RFX6: variants seen among roughly 807,000 people sequenced by gnomAD.
The protein encoded by RFX6 is DNA-binding protein RFX6.
A neutral mutation model predicts 110.8 loss-of-function variants in RFX6; 50 were observed. That is an observed-to-expected ratio of 0.45 (90% confidence interval 0.36 to 0.57). The LOEUF (loss-of-function observed/expected upper bound fraction) is 0.57, where lower values mean the gene tolerates loss of function less well. RFX6 is among the 20% of genes least tolerant of loss of function. RFX6 has a pLI of 0.00. For synonymous variants in RFX6, 383 were observed against 411.2 expected (o/e 0.93, Z 0.83); for missense variants, 990 against 1,127.0 (o/e 0.88, Z 1.74).
At chr6:116,894,897 T>C (rs538285122) in intron 5 of RFX6, among the ~76,000 whole-genome samples, 32 of 152,226 alleles carry the variant, frequency 2.1e-4, no homozygotes, top group African/African-American at 7.5e-4. Context: ...AAAATGTAAA[T>C]ATAGGCTGGA....
chr6:116,887,912 T>C (rs1774734807), intron 4 of RFX6, among the ~76,000 whole-genome samples: 1 of 152,210 alleles, frequency 6.6e-6, no homozygotes, highest in African/African-American at 2.4e-5. Context: ...CACAAATAGA[T>C]TTTACACACA....
intron 6 of RFX6, among the ~76,000 whole-genome samples, chr6:116,903,735 C>G (rs543334450): frequency 6.6e-6 from 1 of 152,114 alleles, no homozygotes; most frequent in Admixed American, 6.5e-5. Flanking sequence ...TGTTTTCCTT[C>G]AATGCTAGGT....
intron 6 of RFX6, among the ~76,000 whole-genome samples, chr6:116,906,434 C>A (rs1775203555): frequency 6.6e-6 from 1 of 152,096 alleles, no homozygotes; most frequent in African/African-American, 2.4e-5. Context: ...ATCATTGAAT[C>A]TATATCTCAC....
intron 6 of RFX6, among the ~76,000 whole-genome samples, chr6:116,904,215 CG>C (rs1326410794): frequency 1.3e-5 from 2 of 151,870 alleles, no homozygotes; most frequent in Non-Finnish European, 2.9e-5. Flanking sequence ...CAGATCATAT[CG>C]TTTTTTATTT....
rs1347438040 is a variant in RFX6, at chr6:116,918,067, A to G, written c.1003A>G (p.Met335Val). 6.2e-7 allele frequency: 1 copy of G among 1,608,238 alleles called. No homozygotes were observed. Among genetic ancestry groups the G allele is most frequent in the East Asian group, 2.2e-5 (1 of 44,736 alleles). Residue 335 changes from methionine (M) to valine (V), a missense_variant, in exon 10 of 19, where the codon ATG becomes GTG. By Grantham distance (21) the Met-to-Val change is conservative (BLOSUM62 1). Coordinates refer to ENST00000332958, the MANE Select transcript of RFX6 (RefSeq NM_173560.4). ...TACAGATGTACTCATTCCTGCAACAATGCAAGAAATGCCTGAAAGGTATGT... is the reference window on the plus strand; with the variant it reads ...TACAGATGTACTCATTCCTGCAACAGTGCAAGAAATGCCTGAAAGGTATGT... ...VLTDVLIPAT[M>V]QEMPESLLAD...
intron 4 of RFX6, among the ~76,000 whole-genome samples, chr6:116,885,945 G>A (rs1382265631): frequency 6.6e-6 from 1 of 151,762 alleles, no homozygotes; most frequent in Non-Finnish European, 1.5e-5. Context: ...ATTTCTAATG[G>A]CTATTATTTC....
rs141009772 is a variant in RFX6, at chr6:116,882,376, C to G, written c.514C>G (p.Gln172Glu). The change falls in exon 4 of 19, where the codon CAG (glutamine) becomes GAG (glutamate). Residue 172 changes from glutamine to glutamate, a missense_variant. Physicochemically the swap from Gln to Glu is conservative, Grantham distance 29. This residue lies in a region of RFX6 where 243 missense variants were observed against 353.1 expected (regional missense o/e 0.69). Transcript: ENST00000332958. ...CAATFGKTIR[Q>E]KFPLLTTRRL... ...TCATCTTTCTTTTTAGACAATTCGC[C>G]AGAAGTTTCCCCTCCTAACAACAAG... 6.2e-7 allele frequency: 1 copy of G among 1,612,386 alleles called. No homozygotes were observed. Among genetic ancestry groups the G allele is most frequent in the African/African-American group, 1.3e-5 (1 of 74,798 alleles).
intron 4 of RFX6, among the ~76,000 whole-genome samples, chr6:116,890,406 A>G (rs773731489): frequency 6.6e-6 from 1 of 152,082 alleles, no homozygotes; most frequent in Non-Finnish European, 1.5e-5. Context: ...TTGGTATTAC[A>G]ATTCTCTGTT....
At chr6:116,908,709 C>T in intron 6 of RFX6, among the ~76,000 whole-genome samples, 1 of 150,672 alleles carries the variant, frequency 6.6e-6, no homozygotes, top group Non-Finnish European at 1.5e-5. Context: ...CACACACACA[C>T]ACACACAGAG....
At chr6:116,923,543 G>T (rs187285496) in intron 14 of RFX6, 2 of 327,532 alleles carry the variant, frequency 6.1e-6, no homozygotes, top group East Asian at 6.9e-5. Context: ...CTCAGGAAAT[G>T]CTTAATGCAT....
chr6:116,925,501 C>T lies in RFX6; in HGVS notation c.1727C>T (p.Ala576Val). ...FTASPSSCFL[A>V]NRNKGSMVSS... ...GCTTCTCCGAGTTCATGCTTTCTGG[C>T]CAACCGTAATAAAGGGAGCATGGTT... Residue 576 changes from alanine to valine, a missense_variant, in exon 16 of 19, where the codon GCC (alanine) becomes GTC (valine). This residue lies in a region of RFX6 where 438 missense variants were observed against 441.9 expected (regional missense o/e 0.99). Transcript: ENST00000332958. 6.2e-7 allele frequency: 1 copy of T among 1,614,118 alleles called. No individual in the cohort carries two copies. Among genetic ancestry groups the T allele is most frequent in the Non-Finnish European group, 8.5e-7 (1 of 1,179,956 alleles).
chr6:116,927,240 G>T lies in RFX6; in HGVS notation c.2099G>T (p.Ser700Ile). The change falls in exon 17 of 19, where the codon AGC (serine) becomes ATC (isoleucine). Residue 700 changes from serine (S) to isoleucine (I), a missense_variant. Physicochemically the swap from Ser to Ile is moderately radical, Grantham distance 142. This residue lies in a region of RFX6 where 438 missense variants were observed against 441.9 expected (regional missense o/e 0.99). Transcript: ENST00000332958. ...PQANHDFYST[S>I]SNYQTVFRAQ... Reference sequence around the variant, plus strand: ...GCCAATCATGACTTTTATAGCACCAGCTCTAACTACCAGACTGTGTTTAGG... The same window carrying T: ...GCCAATCATGACTTTTATAGCACCATCTCTAACTACCAGACTGTGTTTAGG... 1 of 1,614,178 alleles carries T rather than the reference G, an allele frequency of 6.2e-7. No individual in the cohort carries two copies. The highest frequency in any genetic ancestry group is 1.3e-5 in the African/African-American group (1 of 75,048).
chr6:116,896,474 T>C, intron 6 of RFX6, among the ~76,000 whole-genome samples: 1 of 152,214 alleles, frequency 6.6e-6, no homozygotes, highest in Non-Finnish European at 1.5e-5. Context: ...TAAATAAGTT[T>C]AAAATGATAA....
chr6:116,927,604 C>T lies in RFX6; in HGVS notation c.2398+65C>T, dbSNP rs537591930. The T allele has an allele frequency of 1.1e-4, 147 of 1,302,572 alleles. No homozygotes were observed. The Middle Eastern group carries it at 3.0e-3, about 26-fold the overall frequency. 80.7% of individuals were successfully genotyped at this position (1,302,572 alleles called of 1,614,324 possible). Reference sequence around the variant, plus strand: ...GGCAATGAGGCAAAATCAGACATTGCGTTCCACCTCTGCTGACTAGCATGT... The same window carrying T: ...GGCAATGAGGCAAAATCAGACATTGTGTTCCACCTCTGCTGACTAGCATGT... On this transcript the variant is annotated intron_variant, in intron 17 of 18. Transcript: ENST00000332958.
chr6:116,914,239 T>C (rs1052786270), intron 7 of RFX6, among the ~76,000 whole-genome samples: 1 of 152,148 alleles, frequency 6.6e-6, no homozygotes, highest in African/African-American at 2.4e-5. Flanking sequence ...GTTCCATCCA[T>C]GTTGCTGCAT....
At chr6:116,922,019 T>C in intron 12 of RFX6, 23 bp from the exon 13 acceptor site, 1 of 266,942 alleles carries the variant, frequency 3.7e-6, no homozygotes, top group Non-Finnish European at 6.5e-6. Context: ...CTTTTCTTTC[T>C]TTTTTTTTTT....
intron 15 of RFX6, 122 bp from the exon 16 acceptor site, chr6:116,925,331 G>A: frequency 1.1e-6 from 1 of 891,484 alleles, no homozygotes; most frequent in Admixed American, 1.8e-5. Context: ...GGGAAACATT[G>A]CTTAGTAGTT....
chr6:116,930,434 T>A (rs1324220855), intron 18 of RFX6, among the ~76,000 whole-genome samples: 1 of 152,158 alleles, frequency 6.6e-6, no homozygotes, highest in Non-Finnish European at 1.5e-5. Context: ...CAGGCCATAG[T>A]TCTTGCCTGT....
intron 7 of RFX6, among the ~76,000 whole-genome samples, chr6:116,914,121 A>G (rs1311961980): frequency 6.6e-6 from 1 of 151,918 alleles, no homozygotes; most frequent in Non-Finnish European, 1.5e-5. Flanking sequence ...CCACCAGTCT[A>G]CTCGCTACCT....
Sources: gnomAD v4.1 joint callset for allele counts (sites outside exome capture counted in the v4.1 genomes callset) on GRCh38, gnomAD v4.1.1 for gene constraint, gnomAD v4.1.1 regional missense constraint, MANE v1.5 for transcripts, NCBI Gene and HGNC (gene_info 2026-07-23, HGNC 2026-07-21) for gene names.